FCHSD2: variants seen among roughly 807,000 people sequenced by gnomAD.
The protein encoded by FCHSD2 is FCH and double SH3 domains 2.
A neutral mutation model predicts 108.1 loss-of-function variants in FCHSD2; 38 were observed. The observed-to-expected ratio is 0.35, with a 90% CI of 0.27 to 0.46. FCHSD2 has a LOEUF of 0.46. Among genes scored for constraint, FCHSD2 ranks in the 20% least tolerant of loss-of-function variants. The probability of loss-of-function intolerance (pLI) is 1.00; values close to 1 mark genes in which losing one functional copy is unlikely to be tolerated. For missense variants in FCHSD2, 751 were observed against 897.8 expected (o/e 0.84, Z 2.09); for synonymous variants, 279 against 314.7 (o/e 0.89, Z 1.20).
intron 14 of FCHSD2, among the ~76,000 whole-genome samples, chr11:72,846,986 A>G (rs1466216769): frequency 2.6e-5 from 4 of 152,156 alleles, no homozygotes; most frequent in African/African-American, 9.7e-5. Flanking sequence ...GAACTGCCAA[A>G]TTTAAATTTT....
intron 2 of FCHSD2, among the ~76,000 whole-genome samples, chr11:73,129,061 C>T (rs2003368): frequency 0.19 from 29,077 of 151,394 alleles, 3,019 homozygotes; most frequent in East Asian, 0.38. Flanking sequence ...TTAGTAGAGA[C>T]GAGATTTCAC....
At chr11:72,961,516 A>G (rs1052448912) in intron 8 of FCHSD2, among the ~76,000 whole-genome samples, 2 of 152,156 alleles carry the variant, frequency 1.3e-5, no homozygotes, top group South Asian at 2.1e-4. Flanking sequence ...TTGGCCTCCT[A>G]AAGTGCTATG....
intron 2 of FCHSD2, among the ~76,000 whole-genome samples, chr11:73,134,730 C>T (rs749530121): frequency 6.6e-6 from 1 of 152,164 alleles, no homozygotes; most frequent in Non-Finnish European, 1.5e-5. Context: ...GTGAAACTCA[C>T]GTTAACGGTT....
At chr11:72,946,035 T>C (rs548479615) in intron 8 of FCHSD2, among the ~76,000 whole-genome samples, 6 of 152,214 alleles carry the variant, frequency 3.9e-5, no homozygotes, top group South Asian at 2.1e-4. Context: ...ACCCAGCCAT[T>C]CCATTACCGA....
chr11:73,069,843 T>C (rs564224963), intron 3 of FCHSD2, among the ~76,000 whole-genome samples: 104 of 152,244 alleles, frequency 6.8e-4, no homozygotes, highest in Non-Finnish European at 7.1e-4. Flanking sequence ...AACATCTAGA[T>C]TCATAAATGA....
intron 8 of FCHSD2, among the ~76,000 whole-genome samples, chr11:72,945,808 A>C (rs956843452): frequency 2.3e-4 from 35 of 152,344 alleles, no homozygotes; most frequent in African/African-American, 4.3e-4. Flanking sequence ...CTCATCATCA[A>C]TGGACATCAG....
At chr11:73,072,984 C>T (rs1859469870) in intron 3 of FCHSD2, among the ~76,000 whole-genome samples, 1 of 152,180 alleles carries the variant, frequency 6.6e-6, no homozygotes, top group South Asian at 2.1e-4. Flanking sequence ...TGTCTTTAAG[C>T]AAGGAGCCGC....
intron 3 of FCHSD2, among the ~76,000 whole-genome samples, chr11:73,031,827 G>T (rs1258087306): frequency 2.0e-5 from 3 of 152,162 alleles, no homozygotes; most frequent in Admixed American, 6.5e-5. Context: ...CCTGGAAAAG[G>T]CATATGCATT....
At chr11:72,959,872 G>GTT (rs1856791635) in intron 8 of FCHSD2, among the ~76,000 whole-genome samples, 1 of 151,740 alleles carries the variant, frequency 6.6e-6, no homozygotes, top group African/African-American at 2.4e-5. Context: ...GTGTGTGTGT[G>GTT]TGTGTGTGTG....
rs531411596 is a variant in FCHSD2, at chr11:73,070,235, G to T, written c.165+13460C>A. Among the ~76,000 whole-genome samples the T allele has an allele frequency of 1.4e-4, 21 of 152,138 alleles. No homozygotes were observed. In the South Asian group the frequency reaches 4.4e-3, roughly 32 times the overall value. On this transcript the variant is annotated intron_variant, in intron 3 of 19. Transcript: ENST00000409418. Reference sequence around the variant, plus strand: ...CTATAAGTGTAGTCTATTTCATAAGGCTATTTCTAACAAGCCTCTTATATG... The same window carrying T: ...CTATAAGTGTAGTCTATTTCATAAGTCTATTTCTAACAAGCCTCTTATATG...
chr11:73,137,901 T>C (rs931677572), intron 2 of FCHSD2, among the ~76,000 whole-genome samples: 10 of 152,230 alleles, frequency 6.6e-5, no homozygotes, highest in Non-Finnish European at 1.3e-4. Flanking sequence ...ATATATACTA[T>C]GACAAAGTGT....
chr11:73,040,902 G>T (rs1858620459), intron 3 of FCHSD2, among the ~76,000 whole-genome samples: 1 of 151,872 alleles, frequency 6.6e-6, no homozygotes, highest in South Asian at 2.1e-4. Flanking sequence ...CCCCTCTTTG[G>T]TAACTATCAT....
At chr11:72,959,294 A>G (rs1218642720) in intron 8 of FCHSD2, among the ~76,000 whole-genome samples, 1 of 117,916 alleles carries the variant, frequency 8.5e-6, no homozygotes, top group African/African-American at 3.2e-5. Flanking sequence ...CAGTGGCCCG[A>G]TCTCGGCTCA....
chr11:72,851,536 C>A (rs1489908762), intron 13 of FCHSD2, among the ~76,000 whole-genome samples: 1 of 151,942 alleles, frequency 6.6e-6, no homozygotes, highest in Admixed American at 6.6e-5. Context: ...GACAGGAGAT[C>A]GAGATCATCC....
intron 2 of FCHSD2, among the ~76,000 whole-genome samples, chr11:73,105,388 T>A (rs1860318551): frequency 6.6e-6 from 1 of 152,206 alleles, no homozygotes; most frequent in African/African-American, 2.4e-5. Flanking sequence ...ACACCCTCTA[T>A]ATAAGACACC....
chr11:73,010,896 C>A (rs1857848209), intron 4 of FCHSD2, among the ~76,000 whole-genome samples: 1 of 152,096 alleles, frequency 6.6e-6, no homozygotes, highest in Non-Finnish European at 1.5e-5. Context: ...GGCCTCTGGG[C>A]AGCTGGCATA....
At chr11:73,003,648 G>A (rs1033546719) in intron 4 of FCHSD2, among the ~76,000 whole-genome samples, 9 of 150,934 alleles carry the variant, frequency 6.0e-5, no homozygotes, top group Admixed American at 2.6e-4. Flanking sequence ...CACTACGCCC[G>A]GCTAATTTTT....
chr11:73,033,546 G>C (rs770357721), intron 3 of FCHSD2, among the ~76,000 whole-genome samples: 1 of 152,040 alleles, frequency 6.6e-6, no homozygotes, highest in Non-Finnish European at 1.5e-5. Flanking sequence ...ATTATAGGGC[G>C]CTACACAAGA....
chr11:73,016,252 G>A (rs1048871902), intron 3 of FCHSD2, among the ~76,000 whole-genome samples: 5 of 150,642 alleles, frequency 3.3e-5, no homozygotes, highest in South Asian at 2.1e-4. Flanking sequence ...GCAGTGAGCC[G>A]AGACTGGGCC....
Sources: gnomAD v4.1 joint callset for allele counts (sites outside exome capture counted in the v4.1 genomes callset) on GRCh38, gnomAD v4.1.1 for gene constraint, MANE v1.5 for transcripts, NCBI Gene and HGNC (gene_info 2026-07-23, HGNC 2026-07-21) for gene names.